The following PELO variants were observed in gnomAD, a reference collection of about 807,000 sequenced individuals.
The protein encoded by PELO is pelota mRNA surveillance and ribosome rescue factor.
In PELO, 19 loss-of-function variants were observed where a neutral mutation model predicts 25.9. The observed-to-expected ratio is 0.73, with a 90% confidence interval of 0.51 to 1.08. The LOEUF is 1.08. PELO is among the 50% of genes least tolerant of loss of function. The pLI, the probability that PELO is intolerant of heterozygous loss-of-function variation, is 0.00. For missense variants in PELO, 498 were observed against 491.4 expected (o/e 1.01, Z -0.13); for synonymous variants, 196 against 192.2 (o/e 1.02, Z -0.16).
chr5:52,788,638 T>C (rs1168364646), intron 1 of PELO, among the ~76,000 whole-genome samples: 12 of 152,120 alleles, frequency 7.9e-5, no homozygotes, highest in Admixed American at 6.5e-4. Flanking sequence ...ACCCTAGGAG[T>C]AGGAGTGAGG....
chr5:52,797,735 G>A (rs1453919125), intron 1 of PELO, among the ~76,000 whole-genome samples: 3 of 152,172 alleles, frequency 2.0e-5, no homozygotes, highest in Non-Finnish European at 4.4e-5. Flanking sequence ...TTCAATGCTA[G>A]TCATGTGATC....
Position 52,801,595 on chromosome 5 carries a change from G to A in PELO, c.913G>A (p.Ala305Thr). ...GLKQVEKANEAMAIDTLLISD... is the reference protein window; with the variant it reads ...GLKQVEKANETMAIDTLLISD... ...CAAGCAGGTGGAGAAGGCCAATGAAGCCATGGCAATTGACACATTGCTCAT... is the reference window on the plus strand; with the variant it reads ...CAAGCAGGTGGAGAAGGCCAATGAAACCATGGCAATTGACACATTGCTCAT... Residue 305 changes from alanine (A) to threonine (T), a missense_variant, in exon 3 of 3, where the codon GCC becomes ACC. Ala to Thr is a moderately conservative substitution (Grantham distance 58). Coordinates refer to ENST00000274311, the MANE Select transcript of PELO (RefSeq NM_015946.5). The A allele has an allele frequency of 6.2e-7, 1 of 1,614,038 alleles. No homozygotes were observed. The highest frequency in any genetic ancestry group is 1.1e-5 in the South Asian group (1 of 91,076).
chr5:52,790,011 CAT>C (rs1161377910), intron 1 of PELO, among the ~76,000 whole-genome samples: 1 of 152,204 alleles, frequency 6.6e-6, no homozygotes, highest in Admixed American at 6.5e-5. Context: ...TTTCGCAACA[CAT>C]GAGGGATCTG....
intron 1 of PELO, among the ~76,000 whole-genome samples, chr5:52,791,715 A>G (rs1748245243): frequency 6.7e-6 from 1 of 149,390 alleles, no homozygotes; most frequent in Non-Finnish European, 1.5e-5. Flanking sequence ...ACAAGCAGTC[A>G]CAGATTTCTT....
chr5:52,800,142 G>T lies in PELO; in HGVS notation c.-253G>T, dbSNP rs1156316568. 3.8e-6 allele frequency: 2 copies of T among 526,510 alleles called. No homozygotes were observed. The highest frequency in any genetic ancestry group is 1.9e-5 in the African/African-American group (1 of 52,276). The allele number at this position is 526,510 out of a possible 1,614,324, so 32.6% of individuals were successfully genotyped here. A position where few individuals can be genotyped will look rare whatever the true frequency, so the allele number is the denominator to read the frequency against. ...GTGCTGCCAGCGGGAACTGTGTAGG[G>T]GTAGATTTTCGCTGCAGTGTTCCCC... is the stretch of plus-strand genomic sequence containing the variant. On this transcript the variant is annotated 5_prime_UTR_variant, in exon 2 of 3. Transcript: ENST00000274311.
intron 1 of PELO, among the ~76,000 whole-genome samples, chr5:52,796,489 C>T (rs968159085): frequency 6.6e-6 from 1 of 151,566 alleles, no homozygotes; most frequent in Non-Finnish European, 1.5e-5. Context: ...AGCTAAAAGC[C>T]CTGGTATTTT....
chr5:52,794,667 TAAAAC>T (rs1462501249), intron 1 of PELO, among the ~76,000 whole-genome samples: 2 of 151,014 alleles, frequency 1.3e-5, no homozygotes, highest in South Asian at 2.1e-4. Context: ...AAAAAACAAA[TAAAAC>T]AAACAAAAAA....
Position 52,801,467 on chromosome 5 carries a change from T to G in PELO, c.785T>G (p.Val262Gly). ...SLKEALCDPT[V>G]ASRLSDTKAA... The stretch of plus-strand genomic sequence containing the variant: ...AAAGAGGCCCTTTGTGACCCTACTG[T>G]GGCTAGCCGCCTTTCAGACACTAAA... Residue 262 changes from valine to glycine, a missense_variant, in exon 3 of 3, where the codon GTG (valine) becomes GGG (glycine). Physicochemically the swap from Val to Gly is moderately radical, Grantham distance 109. Coordinates refer to ENST00000274311, the MANE Select transcript of PELO (RefSeq NM_015946.5). The G allele has an allele frequency of 1.2e-6, 2 of 1,614,128 alleles. 1 individual carries two copies. The highest frequency in any genetic ancestry group is 2.2e-5 in the South Asian group (2 of 91,086).
chr5:52,794,822 T>C (rs929105759), intron 1 of PELO, among the ~76,000 whole-genome samples: 6 of 151,996 alleles, frequency 3.9e-5, no homozygotes, highest in Non-Finnish European at 8.8e-5. Context: ...AACAATTGCG[T>C]TTATCACTAG....
chr5:52,799,951 CTG>C lies in PELO; in HGVS notation c.-441_-440del, dbSNP rs1236920744. 5 of 201,714 alleles carry C rather than the reference CTG, an allele frequency of 2.5e-5. No homozygotes were observed. Among genetic ancestry groups the C allele is most frequent in the Admixed American group, 1.1e-4 (2 of 18,876 alleles). 12.5% of individuals were successfully genotyped at this position (201,714 alleles called of 1,614,324 possible). The stretch of plus-strand genomic sequence containing the variant: ...TTAAAATAAAGGACTCGCCACCACT[CTG>C]TGCACCTTCTTGAGGGAGTTCATTC... On this transcript the variant is annotated 5_prime_UTR_variant, in exon 2 of 3. Transcript: ENST00000274311.
chr5:52,802,019 C>T lies in PELO; in HGVS notation c.*179C>T. 1 of 540,480 alleles carries T rather than the reference C, an allele frequency of 1.9e-6. No homozygotes were observed. The highest frequency in any genetic ancestry group is 3.3e-6 in the Non-Finnish European group (1 of 306,350). The allele number at this position is 540,480 out of a possible 1,614,324, so 33.5% of individuals were successfully genotyped here. A position where few individuals can be genotyped will look rare whatever the true frequency, so the allele number is the denominator to read the frequency against. On this transcript the variant is annotated 3_prime_UTR_variant, in exon 3 of 3. Transcript: ENST00000274311. ...GCAAGACATGTATTTAAACAATAAA[C>T]TAAAAGGAAATAATCTCCACGTACT... is the stretch of plus-strand genomic sequence containing the variant.
chr5:52,788,767 T>C (rs1049608046), intron 1 of PELO, among the ~76,000 whole-genome samples: 1 of 152,130 alleles, frequency 6.6e-6, no homozygotes, highest in African/African-American at 2.4e-5. Flanking sequence ...TTTTATGGCA[T>C]GGGATGGGAG....
In PELO at chr5:52,800,324, C is replaced by A; in HGVS notation, c.-71C>A. ...CCCCCTTCCTGGCCTGCATTCCCAT[C>A]CCCTCTCCCGGGGCGGAGGTGAGGA... is the stretch of plus-strand genomic sequence containing the variant. On this transcript the variant is annotated 5_prime_UTR_variant, in exon 2 of 3. Transcript: ENST00000274311. 2 of 1,564,236 alleles carry A rather than the reference C, an allele frequency of 1.3e-6. No individual in the cohort carries two copies. Among genetic ancestry groups the A allele is most frequent in the South Asian group, 1.1e-5 (1 of 87,460 alleles).
In PELO at chr5:52,788,287, G is replaced by T. The variant is rs1748163900; in HGVS notation, c.-638G>T. 2 of 1,270,382 alleles carry T rather than the reference G, an allele frequency of 1.6e-6. No homozygotes were observed. The highest frequency in any genetic ancestry group is 3.2e-5 in the African/African-American group (2 of 63,324). The allele number at this position is 1,270,382 out of a possible 1,614,324, so 78.7% of individuals were successfully genotyped here. A position where few individuals can be genotyped will look rare whatever the true frequency, so the allele number is the denominator to read the frequency against. ...GGGATAAGTGGCCCAGCCAGAGAGC[G>T]CAGCTCCCGCGCCCGGTCCTGCCCT... On this transcript the variant is annotated 5_prime_UTR_variant, in exon 1 of 3. Coordinates refer to ENST00000274311, the MANE Select transcript of PELO (RefSeq NM_015946.5).
chr5:52,791,484 A>G (rs1311971649), intron 1 of PELO, among the ~76,000 whole-genome samples: 2 of 152,230 alleles, frequency 1.3e-5, no homozygotes, highest in Admixed American at 1.3e-4. Flanking sequence ...GAAAATAAAT[A>G]TACCTCCTTT....
chr5:52,794,009 T>G (rs1041925626), intron 1 of PELO, among the ~76,000 whole-genome samples: 1 of 152,014 alleles, frequency 6.6e-6, no homozygotes, highest in African/African-American at 2.4e-5. Context: ...GATAAAAAAG[T>G]CAACTAAGTT....
Position 52,802,385 on chromosome 5 carries a change from G to A in PELO, c.*545G>A, listed in dbSNP as rs1580031006. 3 of 152,218 alleles carry A rather than the reference G, an allele frequency of 2.0e-5. No homozygotes were observed. Among genetic ancestry groups the A allele is most frequent in the African/African-American group, 7.2e-5 (3 of 41,556 alleles). 9.4% of individuals were successfully genotyped at this position (152,218 alleles called of 1,614,324 possible). On this transcript the variant is annotated 3_prime_UTR_variant, in exon 3 of 3. Coordinates refer to ENST00000274311, the MANE Select transcript of PELO (RefSeq NM_015946.5). ...GTACAATTAGTAGACTTGAAGACAA[G>A]TTTTAAATATTTTTCTTCAAAGGCT...
At chr5:52,791,862 C>T (rs1209282990) in intron 1 of PELO, among the ~76,000 whole-genome samples, 1 of 152,074 alleles carries the variant, frequency 6.6e-6, no homozygotes, top group Non-Finnish European at 1.5e-5. Flanking sequence ...TTTCATTTGT[C>T]CAAAGTTGAA....
Position 52,803,786 on chromosome 5 carries a change from T to C in PELO, c.*1946T>C, listed in dbSNP as rs989318400. 1.1e-4 allele frequency: 16 copies of C among 152,196 alleles called. No homozygotes were observed. Among genetic ancestry groups the C allele is most frequent in the African/African-American group, 3.6e-4 (15 of 41,446 alleles). The allele number at this position is 152,196 out of a possible 1,614,324, so 9.4% of individuals were successfully genotyped here. On this transcript the variant is annotated 3_prime_UTR_variant, in exon 3 of 3. Transcript: ENST00000274311. ...AGAATTCAGGGATCTTTTGTAGACC[T>C]ACTGAGACAGGCGCTACCTGTACCA...
Sources: gnomAD v4.1 joint callset for allele counts (sites outside exome capture counted in the v4.1 genomes callset) on GRCh38, gnomAD v4.1.1 for gene constraint, MANE v1.5 for transcripts, NCBI Gene and HGNC (gene_info 2026-07-23, HGNC 2026-07-21) for gene names.